GPHN: variants seen among roughly 807,000 people sequenced by gnomAD.
GPHN encodes the protein gephyrin.
In GPHN, 17 loss-of-function variants were observed where a neutral mutation model predicts 95.5. The observed-to-expected ratio is 0.18, with a 90% CI of 0.12 to 0.27. The LOEUF is 0.27. Among genes scored for constraint, GPHN ranks in the 10% least tolerant of loss-of-function variants. The probability of loss-of-function intolerance (pLI) is 1.00; values close to 1 mark genes in which losing one functional copy is unlikely to be tolerated. For synonymous variants in GPHN, 320 were observed against 322.5 expected (o/e 0.99, Z 0.08); for missense variants, 660 against 978.1 (o/e 0.67, Z 4.34).
chr14:67,496,391 GTTTTTTTTTTTTTTT>G, the GPHN span, among the ~76,000 whole-genome samples: 4 of 30,112 alleles, frequency 1.3e-4, no homozygotes, highest in Admixed American at 1.9e-3. Context: ...CTGCTCCGGC[GTTTTTTTTTTTTTTT>G]TTTTTTTTTT....
chr14:67,110,476 A>T (rs186127453), intron 14 of GPHN, among the ~76,000 whole-genome samples: 1 of 152,192 alleles, frequency 6.6e-6, no homozygotes, highest in South Asian at 2.1e-4. Flanking sequence ...AGGGGTTTCT[A>T]TGATCATTGC....
the GPHN span, chr14:67,321,364 G>A: frequency 9.8e-7 from 1 of 1,016,016 alleles, no homozygotes; most frequent in Non-Finnish European, 1.5e-6. Flanking sequence ...ACCTAATTAA[G>A]TTCTCATACG....
Position 66,585,795 on chromosome 14 carries a change from T to A in GPHN, c.64+77204T>A, listed in dbSNP as rs1052795914. ...CTGTTCTTTTACATTTGCTGAGGAG[T>A]GCTTTACTTCCAACTATGTGGTCAA... On this transcript the variant is annotated intron_variant, in intron 1 of 22. Coordinates refer to ENST00000478722, the MANE Select transcript of GPHN (RefSeq NM_020806.5). 1.5e-4 allele frequency among the ~76,000 whole-genome samples: 23 copies of A among 152,214 alleles called. No individual in the cohort carries two copies. The East Asian group carries it at 3.5e-3, about 23-fold the overall frequency.
the GPHN span, chr14:67,690,264 G>A: frequency 6.2e-7 from 1 of 1,613,978 alleles, no homozygotes; most frequent in Non-Finnish European, 8.5e-7. Flanking sequence ...CTAGCTTGCT[G>A]TGACAGTAGG....
At chr14:66,582,971 C>G (rs1566642933) in intron 1 of GPHN, among the ~76,000 whole-genome samples, 2 of 152,162 alleles carry the variant, frequency 1.3e-5, no homozygotes, top group Non-Finnish European at 2.9e-5. Flanking sequence ...CTGACTTCCA[C>G]AATGGTGGAA....
At chr14:66,974,119 T>C (rs1247010435) in intron 9 of GPHN, among the ~76,000 whole-genome samples, 1 of 152,206 alleles carries the variant, frequency 6.6e-6, no homozygotes, top group Non-Finnish European at 1.5e-5. Context: ...GGATTTATTC[T>C]CATTTGTTAG....
chr14:67,650,800 A>G, the GPHN span: 12 of 1,614,064 alleles, frequency 7.4e-6, no homozygotes, highest in Non-Finnish European at 1.0e-5. Flanking sequence ...CTAACCTGGC[A>G]GTAGATGTGA....
chr14:67,607,343 C>T, the GPHN span, among the ~76,000 whole-genome samples: 3 of 152,058 alleles, frequency 2.0e-5, no homozygotes, highest in Non-Finnish European at 2.9e-5. Flanking sequence ...GGAAGGAGAA[C>T]ATGAACATGA....
At chr14:67,390,180 CCAT>C in the GPHN span, among the ~76,000 whole-genome samples, 7 of 151,818 alleles carry the variant, frequency 4.6e-5, no homozygotes, top group South Asian at 1.0e-3. Context: ...TTTTAATTTG[CCAT>C]CAAAGTTTTT....
At chr14:66,670,399 A>G (rs895620907) in intron 1 of GPHN, among the ~76,000 whole-genome samples, 1 of 152,244 alleles carries the variant, frequency 6.6e-6, no homozygotes, top group Non-Finnish European at 1.5e-5. Context: ...CTGGAAAGCC[A>G]TAGGCATATG....
At chr14:66,915,891 T>C (rs1567096513) in intron 5 of GPHN, 112 bp from the exon 6 acceptor site, 1 of 742,286 alleles carries the variant, frequency 1.3e-6, no homozygotes, top group Non-Finnish European at 2.5e-6. Flanking sequence ...ACACTTTTAT[T>C]CCTAAAACAG....
At chr14:66,789,742 G>T (rs925841130) in intron 3 of GPHN, among the ~76,000 whole-genome samples, 2 of 152,158 alleles carry the variant, frequency 1.3e-5, no homozygotes, top group African/African-American at 2.4e-5. Context: ...ATCCCCATGG[G>T]AATCTTCTCT....
chr14:67,698,754 G>T, the GPHN span, among the ~76,000 whole-genome samples: 1 of 152,186 alleles, frequency 6.6e-6, no homozygotes, highest in Admixed American at 6.5e-5. Flanking sequence ...CTCTGTTGCA[G>T]CTACTCGACT....
At chr14:67,480,706 A>G in the GPHN span, among the ~76,000 whole-genome samples, 1 of 152,276 alleles carries the variant, frequency 6.6e-6, no homozygotes, top group Non-Finnish European at 1.5e-5. Context: ...GGCTGAGGGA[A>G]CAGGAACCTC....
At chr14:67,731,199 CTTTCTTTCTTTTTT>C in the GPHN span, among the ~76,000 whole-genome samples, 1 of 123,552 alleles carries the variant, frequency 8.1e-6, no homozygotes, top group African/African-American at 3.1e-5. Flanking sequence ...CATCATATTT[CTTTCTTTCTTTTTT>C]TTTTTTTTTT....
chr14:67,376,243 A>G, the GPHN span, among the ~76,000 whole-genome samples: 1 of 152,178 alleles, frequency 6.6e-6, no homozygotes, highest in African/African-American at 2.4e-5. Flanking sequence ...TACTGTCAAG[A>G]CTTGATCCAG....
intron 9 of GPHN, among the ~76,000 whole-genome samples, chr14:66,976,059 A>G (rs920419154): frequency 2.0e-5 from 3 of 152,190 alleles, no homozygotes; most frequent in Non-Finnish European, 2.9e-5. Flanking sequence ...ATTAATCTCC[A>G]ATTAATACAG....
chr14:67,340,365 A>G, the GPHN span: 1 of 1,270,234 alleles, frequency 7.9e-7, no homozygotes, highest in Non-Finnish European at 1.1e-6. Flanking sequence ...ACATAAACCA[A>G]CAAGTCATTC....
At position 66,965,276 on chromosome 14, in the gene GPHN, G is replaced by A. The variant is rs778622230; in HGVS notation, c.914G>A (p.Arg305His). 1.7e-5 allele frequency: 27 copies of A among 1,613,254 alleles called. No homozygotes were observed. The highest frequency in any genetic ancestry group is 5.3e-5 in the African/African-American group (4 of 74,792). The change falls in exon 9 of 23, where the codon CGT becomes CAT. Residue 305 changes from arginine (R) to histidine (H), a missense_variant. Coordinates refer to ENST00000478722, the MANE Select transcript of GPHN (RefSeq NM_020806.5). ...AGCACTACTCCTTCAGAATCGCCTC[G>A]TGCTCAGGCTACATCTCGCCTCTCT... ...SLSTTPSESP[R>H]AQATSRLSTA...
Sources: gnomAD v4.1 joint callset for allele counts (sites outside exome capture counted in the v4.1 genomes callset) on GRCh38, gnomAD v4.1.1 for gene constraint, MANE v1.5 for transcripts, NCBI Gene and HGNC (gene_info 2026-07-23, HGNC 2026-07-21) for gene names.